Variants in OCM observed in about 807,000 individuals in gnomAD.
The protein encoded by OCM is oncomodulin-1.
OCM carries 18 observed loss-of-function variants against 14.1 expected under a neutral mutation model. That is an observed-to-expected ratio of 1.28 (90% CI 0.88 to 1.89). The LOEUF (loss-of-function observed/expected upper bound fraction) is 1.89. OCM is among the 40% of genes most tolerant of loss of function. The pLI is 0.00. For synonymous variants in OCM, 48 were observed against 51.0 expected (o/e 0.94, Z 0.25); for missense variants, 140 against 137.6 (o/e 1.02, Z -0.09).
intron 3 of OCM, among the ~76,000 whole-genome samples, chr7:5,884,544 G>C (rs1342307658): frequency 1.3e-5 from 2 of 152,060 alleles, no homozygotes; most frequent in Admixed American, 1.3e-4. Flanking sequence ...CCGAATCCTA[G>C]GTTTGAGCTT....
chr7:5,867,840 C>A, the OCM span, among the ~76,000 whole-genome samples: 5 of 152,014 alleles, frequency 3.3e-5, no homozygotes, highest in East Asian at 9.6e-4. Flanking sequence ...TGGTTCACTG[C>A]AGCCTTGACC....
upstream of OCM, among the ~76,000 whole-genome samples, chr7:5,880,329 T>G (rs1347297937): frequency 7.6e-6 from 1 of 132,116 alleles, no homozygotes; most frequent in African/African-American, 3.1e-5. Context: ...CTTTGGGTCA[T>G]TTTTTTTTTC....
In OCM at chr7:5,886,179, C is replaced by G. The variant is rs532600577; in HGVS notation, c.*90C>G. 1.6e-4 allele frequency: 220 copies of G among 1,345,750 alleles called. 2 individuals carry two copies. The African/African-American group carries it at 2.5e-3, about 15-fold the overall frequency. 83.4% of individuals were successfully genotyped at this position (1,345,750 alleles called of 1,614,324 possible). On this transcript the variant is annotated 3_prime_UTR_variant, in exon 4 of 4. Transcript: ENST00000242104. The stretch of plus-strand genomic sequence containing the variant: ...GAATGGGGAACCCCACATCCCATCC[C>G]TACCTAATTTGTTAATTTTCCCTGA...
chr7:5,871,872 C>A, the OCM span: 1 of 152,290 alleles, frequency 6.6e-6, no homozygotes, highest in South Asian at 2.1e-4. Context: ...GGCTGGTTCA[C>A]CCTCCTTAGG....
the OCM span, among the ~76,000 whole-genome samples, chr7:5,874,032 A>G: frequency 1.3e-4 from 20 of 149,042 alleles, no homozygotes; most frequent in Admixed American, 8.9e-4. Context: ...CCTGGCCAAC[A>G]TGGTGAAACC....
At chr7:5,882,115 AAAAAGCG>A (rs1781230274) in intron 1 of OCM, among the ~76,000 whole-genome samples, 1 of 104,930 alleles carries the variant, frequency 9.5e-6, no homozygotes, top group Non-Finnish European at 2.0e-5. Context: ...AAAAAAAAAA[AAAAAGCG>A]CCAAAGGCCA....
chr7:5,864,729 C>T, the OCM span, among the ~76,000 whole-genome samples: 6 of 151,992 alleles, frequency 3.9e-5, no homozygotes, highest in African/African-American at 7.3e-5. Flanking sequence ...CCAAGCCAGG[C>T]GGATCACCTG....
At chr7:5,863,146 TA>T in the OCM span, among the ~76,000 whole-genome samples, 1 of 152,216 alleles carries the variant, frequency 6.6e-6, no homozygotes, top group African/African-American at 2.4e-5. Context: ...TATTGATCGC[TA>T]ATCAGAGCCT....
chr7:5,873,226 A>C, the OCM span, among the ~76,000 whole-genome samples: 1 of 152,166 alleles, frequency 6.6e-6, no homozygotes, highest in Non-Finnish European at 1.5e-5. Context: ...ACTACAAAAA[A>C]TTCGCAGGGT....
At chr7:5,871,364 A>G in the OCM span, among the ~76,000 whole-genome samples, 2 of 151,776 alleles carry the variant, frequency 1.3e-5, no homozygotes, top group East Asian at 3.9e-4. Context: ...CAAAAAAAAA[A>G]AAAAAAATTA....
rs752205892 is a variant in OCM, at chr7:5,886,114, G to C, written c.*25G>C. 4 of 1,607,652 alleles carry C rather than the reference G, an allele frequency of 2.5e-6. No individual in the cohort carries two copies. Among genetic ancestry groups the C allele is most frequent in the South Asian group, 1.1e-5 (1 of 90,948 alleles). ...AAAGCCCCAGTCTCTGGAGAAAAGA[G>C]AGAAAGGGATAATCACCTGGAAGGA... is the stretch of plus-strand genomic sequence containing the variant. On this transcript the variant is annotated 3_prime_UTR_variant, in exon 4 of 4. Coordinates refer to ENST00000242104, the MANE Select transcript of OCM (RefSeq NM_001097622.2).
chr7:5,884,714 TAA>T (rs71008333), intron 3 of OCM, among the ~76,000 whole-genome samples: 1 of 147,168 alleles, frequency 6.8e-6, no homozygotes, highest in South Asian at 2.1e-4. Context: ...AGATGCTTAT[TAA>T]AAAAAAAAAA....
At chr7:5,883,755 C>T (rs774635837) in intron 2 of OCM, 135 bp from the exon 3 acceptor site, 5 of 907,044 alleles carry the variant, frequency 5.5e-6, no homozygotes, top group Non-Finnish European at 6.8e-6. Context: ...CTTAAGGAAA[C>T]CTTTGCTTGC....
chr7:5,877,965 G>C (rs1048882457), upstream of OCM, among the ~76,000 whole-genome samples: 8 of 139,620 alleles, frequency 5.7e-5, no homozygotes, highest in African/African-American at 1.9e-4. Context: ...CCTAGATAAA[G>C]CAGTCAAACT....
intron 3 of OCM, 123 bp from the exon 4 acceptor site, chr7:5,885,941 C>A: frequency 3.4e-6 from 3 of 881,532 alleles, no homozygotes; most frequent in South Asian, 1.5e-5. Flanking sequence ...TCCAAGGGGG[C>A]CATGCCCATC....
the OCM span, among the ~76,000 whole-genome samples, chr7:5,869,349 G>C: frequency 6.6e-6 from 1 of 152,044 alleles, no homozygotes; most frequent in Non-Finnish European, 1.5e-5. Context: ...TGTAATCCCA[G>C]CACTTTGGGA....
At chr7:5,868,356 C>T in the OCM span, among the ~76,000 whole-genome samples, 1 of 151,826 alleles carries the variant, frequency 6.6e-6, no homozygotes, top group South Asian at 2.1e-4. Context: ...CTATGTTGCT[C>T]AGGCTGGTCT....
the OCM span, among the ~76,000 whole-genome samples, chr7:5,874,753 G>A: frequency 6.6e-6 from 1 of 151,842 alleles, no homozygotes. Flanking sequence ...CAATTTTCAC[G>A]CCTCAGCCTT....
the OCM span, among the ~76,000 whole-genome samples, chr7:5,865,139 A>T: frequency 0.63 from 96,564 of 152,106 alleles, 32,993 homozygotes; most frequent in African/African-American, 0.9. Context: ...CCTGAGCCCC[A>T]CTGCAACTGC....
Sources: gnomAD v4.1 joint callset for allele counts (sites outside exome capture counted in the v4.1 genomes callset) on GRCh38, gnomAD v4.1.1 for gene constraint, MANE v1.5 for transcripts, NCBI Gene and HGNC (gene_info 2026-07-23, HGNC 2026-07-21) for gene names.